The following TIAM1 variants were observed in gnomAD, a reference collection of about 807,000 sequenced individuals.
TIAM1 encodes TIAM Rac1 associated GEF 1.
Under a neutral mutation model 163.5 loss-of-function variants are expected in TIAM1, and 65 were observed. That is an observed-to-expected ratio of 0.40 (90% CI 0.33 to 0.49). TIAM1 has a LOEUF of 0.49. TIAM1 is among the 20% of genes least tolerant of loss of function. TIAM1 has a pLI of 0.77. For synonymous variants in TIAM1, 833 were observed against 810.1 expected, an observed-to-expected ratio of 1.03 and a Z score of -0.48; for missense variants, 1,789 against 2,044.7, an observed-to-expected ratio of 0.87 and a Z score of 2.41.
chr21:31,192,175 G>A, intron 13 of TIAM1, among the ~76,000 whole-genome samples: 1 of 152,186 alleles, frequency 6.6e-6, no homozygotes. Context: ...CAAGTGGCCA[G>A]GGTTCAAAAC....
intron 2 of TIAM1, among the ~76,000 whole-genome samples, chr21:31,320,706 G>A (rs1325348207): frequency 2.0e-5 from 3 of 152,142 alleles, no homozygotes; most frequent in Non-Finnish European, 4.4e-5. Flanking sequence ...AAAAAAAGGA[G>A]AGTTGGGCTG....
At chr21:31,198,046 A>C (rs1406816238) in intron 12 of TIAM1, among the ~76,000 whole-genome samples, 2 of 152,234 alleles carry the variant, frequency 1.3e-5, no homozygotes, top group Admixed American at 6.5e-5. Flanking sequence ...ATGCTCATAT[A>C]GATTTTTAAA....
At chr21:31,330,493 C>G (rs1034846289) in intron 2 of TIAM1, among the ~76,000 whole-genome samples, 6 of 152,100 alleles carry the variant, frequency 3.9e-5, no homozygotes, top group African/African-American at 1.2e-4. Flanking sequence ...GGCTGGAGTA[C>G]AGTGGTGCAA....
intron 2 of TIAM1, among the ~76,000 whole-genome samples, chr21:31,402,945 C>T (rs1313473729): frequency 2.0e-5 from 3 of 152,048 alleles, no homozygotes; most frequent in Non-Finnish European, 4.4e-5. Flanking sequence ...GAGTGAGACT[C>T]CGTCTCAAAA....
intron 2 of TIAM1, among the ~76,000 whole-genome samples, chr21:31,433,054 G>T (rs1005748158): frequency 9.2e-5 from 14 of 152,184 alleles, no homozygotes; most frequent in African/African-American, 3.1e-4. Flanking sequence ...CAACATTGAA[G>T]TAATGGCCTT....
At chr21:31,321,447 G>A (rs1482219848) in intron 2 of TIAM1, among the ~76,000 whole-genome samples, 1 of 152,058 alleles carries the variant, frequency 6.6e-6, no homozygotes, top group Non-Finnish European at 1.5e-5. Context: ...CCGCCTCCTG[G>A]GCTCAAGCGA....
At chr21:31,488,698 C>T (rs1187365208) in intron 1 of TIAM1, among the ~76,000 whole-genome samples, 3 of 151,938 alleles carry the variant, frequency 2.0e-5, no homozygotes, top group Non-Finnish European at 4.4e-5. Flanking sequence ...TATTCACTAC[C>T]AGAACAGTAT....
At chr21:31,213,617 C>T in intron 9 of TIAM1, 145 bp from the exon 10 acceptor site, 1 of 696,114 alleles carries the variant, frequency 1.4e-6, no homozygotes, top group South Asian at 1.7e-5. Context: ...AAAGCAGGTA[C>T]AATAATTTAT....
In TIAM1 at chr21:31,120,830, G is replaced by T; in HGVS notation, c.4314C>A (p.Ala1438=). Residue 1438 remains alanine, a synonymous_variant, in exon 28 of 28, where the codon GCC becomes GCA. Coordinates refer to ENST00000541036, the MANE Select transcript of TIAM1 (RefSeq NM_001353694.2). The surrounding 1 kb of genome is among the most constrained non-coding windows in gnomAD (Gnocchi z 4.2). ...ARPAMSRAVS[A]PSKSLGRRRR... Reference sequence around the variant, plus strand: ...TCCTCCTCCCAAGAGACTTGCTTGGGGCAGACACTGCACACACACACAAAA... The same window carrying T: ...TCCTCCTCCCAAGAGACTTGCTTGGTGCAGACACTGCACACACACACAAAA... The T allele has an allele frequency of 2.5e-6, 4 of 1,609,646 alleles. No individual in the cohort carries two copies. The East Asian group carries it at 8.9e-5, about 36-fold the overall frequency.
In TIAM1 at chr21:31,152,021, CTTTTTT is replaced by C. The variant is rs754817467; in HGVS notation, c.3366+609_3366+614del. On this transcript the variant is annotated intron_variant, in intron 19 of 27. Transcript: ENST00000541036. ...TTGTTTACTGGGTAACCAGAAGTGC[CTTTTTT>C]TTTTTTTTTTTTTTTTTTTTGTAAG... Among the ~76,000 whole-genome samples, 587 of 112,242 alleles carry C rather than the reference CTTTTTT, an allele frequency of 5.2e-3. 1 individual carries two copies. Among genetic ancestry groups the C allele is most frequent in the African/African-American group, 0.013 (367 of 28,384 alleles). The allele number at this position is 112,242 out of a possible 152,430, so 73.6% of individuals were successfully genotyped here.
intron 2 of TIAM1, among the ~76,000 whole-genome samples, chr21:31,350,769 T>C (rs1296367976): frequency 6.6e-6 from 1 of 152,208 alleles, no homozygotes; most frequent in Admixed American, 6.5e-5. Flanking sequence ...TTAAACCTCT[T>C]TTCTTTATAA....
intron 2 of TIAM1, among the ~76,000 whole-genome samples, chr21:31,455,716 C>A (rs1001940554): frequency 6.6e-6 from 1 of 152,166 alleles, no homozygotes; most frequent in Non-Finnish European, 1.5e-5. Context: ...GATTCTGTGA[C>A]GCTGCTGCCA....
At chr21:31,351,290 A>G (rs986612429) in intron 2 of TIAM1, among the ~76,000 whole-genome samples, 1 of 152,188 alleles carries the variant, frequency 6.6e-6, no homozygotes, top group Non-Finnish European at 1.5e-5. Flanking sequence ...TAATAAAACC[A>G]TGACAGCTTC....
At chr21:31,530,128 A>C (rs1192114001) in intron 1 of TIAM1, among the ~76,000 whole-genome samples, 4 of 152,222 alleles carry the variant, frequency 2.6e-5, no homozygotes, top group Non-Finnish European at 5.9e-5. Context: ...GTTCCAGGCT[A>C]CCGTCAATGC....
intron 8 of TIAM1, among the ~76,000 whole-genome samples, chr21:31,218,386 G>A (rs983352444): frequency 6.6e-6 from 1 of 152,042 alleles, no homozygotes; most frequent in African/African-American, 2.4e-5. Flanking sequence ...TGGCCAACAT[G>A]GTGAAACCCT....
At chr21:31,320,698 A>G (rs569013605) in intron 2 of TIAM1, among the ~76,000 whole-genome samples, 1 of 152,302 alleles carries the variant, frequency 6.6e-6, no homozygotes, top group African/African-American at 2.4e-5. Context: ...TGGAATTGAA[A>G]AAAAGGAGAG....
chr21:31,323,405 T>C (rs2075381287), intron 2 of TIAM1, among the ~76,000 whole-genome samples: 1 of 150,948 alleles, frequency 6.6e-6, no homozygotes, highest in African/African-American at 2.4e-5. Context: ...AAAACAAAAC[T>C]ATTTAGAGAC....
chr21:31,175,361 C>A (rs1181684739), intron 15 of TIAM1, among the ~76,000 whole-genome samples: 1 of 152,138 alleles, frequency 6.6e-6, no homozygotes, highest in Non-Finnish European at 1.5e-5. Context: ...GCTGTATAAA[C>A]CACAAAAATA....
upstream of TIAM1, among the ~76,000 whole-genome samples, chr21:31,347,903 C>G (rs1054132293): frequency 5.9e-5 from 9 of 152,136 alleles, no homozygotes; most frequent in Non-Finnish European, 7.3e-5. Context: ...GCTGGCTAAA[C>G]AGACAGAAGA....
Sources: gnomAD v4.1 joint callset for allele counts (sites outside exome capture counted in the v4.1 genomes callset) on GRCh38, gnomAD v4.1.1 for gene constraint, Gnocchi (gnomAD v3.1) non-coding constraint, MANE v1.5 for transcripts, NCBI Gene and HGNC (gene_info 2026-07-23, HGNC 2026-07-21) for gene names.